Variants in MAD1L1 observed in about 807,000 individuals in gnomAD.
MAD1L1 encodes the protein mitotic spindle assembly checkpoint protein MAD1.
Under a neutral mutation model 96.9 loss-of-function variants are expected in MAD1L1, and 95 were observed. That is an observed-to-expected ratio of 0.98 (90% CI 0.83 to 1.16). The LOEUF (loss-of-function observed/expected upper bound fraction) is 1.16. Ranked by LOEUF, MAD1L1 falls within the 50% of genes most tolerant of loss-of-function variation. The pLI, the probability that MAD1L1 is intolerant of heterozygous loss-of-function variation, is 0.00. For synonymous variants in MAD1L1, 473 were observed against 396.6 expected (o/e 1.19, Z -2.29); for missense variants, 1,007 against 954.4 (o/e 1.06, Z -0.73).
At chr7:2,028,163 C>T (rs1206511451) in intron 12 of MAD1L1, among the ~76,000 whole-genome samples, 6 of 152,066 alleles carry the variant, frequency 3.9e-5, no homozygotes, top group African/African-American at 1.2e-4. Context: ...CGGTGACTCA[C>T]GCCTGTAATC....
At chr7:2,041,451 G>A (rs1437691483) in intron 12 of MAD1L1, among the ~76,000 whole-genome samples, 1 of 152,176 alleles carries the variant, frequency 6.6e-6, no homozygotes, top group African/African-American at 2.4e-5. Context: ...TCACATTCAT[G>A]CTACCCAACC....
intron 11 of MAD1L1, among the ~76,000 whole-genome samples, chr7:2,096,894 C>A (rs1786521124): frequency 1.3e-5 from 2 of 152,132 alleles, no homozygotes; most frequent in African/African-American, 4.8e-5. Flanking sequence ...GCCGGTGACC[C>A]CCGGCCAGCA....
intron 18 of MAD1L1, among the ~76,000 whole-genome samples, chr7:1,880,171 G>A (rs757527572): frequency 6.6e-6 from 1 of 152,180 alleles, no homozygotes; most frequent in African/African-American, 2.4e-5. Flanking sequence ...CACACCTTCC[G>A]TATCCTCACA....
chr7:2,060,179 CG>C (rs1784581934), intron 12 of MAD1L1, among the ~76,000 whole-genome samples: 1 of 145,958 alleles, frequency 6.9e-6, no homozygotes, highest in African/African-American at 2.6e-5. Flanking sequence ...ACGCCGATGC[CG>C]AGATACACCG....
intron 15 of MAD1L1, 54 bp from the exon 16 acceptor site, chr7:1,957,773 A>C: frequency 6.5e-7 from 1 of 1,546,958 alleles, no homozygotes; most frequent in Non-Finnish European, 8.9e-7. Flanking sequence ...ATGCTGGGGA[A>C]GTCCCACCCT....
At chr7:1,997,449 C>T (rs998696417) in intron 14 of MAD1L1, among the ~76,000 whole-genome samples, 3 of 152,350 alleles carry the variant, frequency 2.0e-5, no homozygotes, top group East Asian at 3.9e-4. Context: ...CACCCACTGC[C>T]GAGCCAGTCA....
chr7:2,079,534 G>A (rs979968682), intron 11 of MAD1L1, among the ~76,000 whole-genome samples: 2 of 152,108 alleles, frequency 1.3e-5, no homozygotes, highest in African/African-American at 4.8e-5. Flanking sequence ...CCAACATCTC[G>A]TCAACTGGAA....
intron 9 of MAD1L1, among the ~76,000 whole-genome samples, chr7:2,214,672 G>T (rs1366409694): frequency 6.6e-6 from 1 of 152,218 alleles, no homozygotes; most frequent in Non-Finnish European, 1.5e-5. Context: ...GGGCCAGAAG[G>T]CCTAAATTCT....
At chr7:2,062,007 G>A (rs1249848464) in intron 12 of MAD1L1, among the ~76,000 whole-genome samples, 3 of 152,056 alleles carry the variant, frequency 2.0e-5, no homozygotes, top group Admixed American at 6.6e-5. Flanking sequence ...TTGGGAGGCC[G>A]AGGCAGGCAG....
chr7:1,865,799 GCT>G lies in MAD1L1; in HGVS notation c.1998+32399_1998+32400del, dbSNP rs201048267. Among the ~76,000 whole-genome samples the G allele has an allele frequency of 2.7e-3, 407 of 152,340 alleles. 1 individual carries two copies. Among genetic ancestry groups the G allele is most frequent in the African/African-American group, 9.4e-3 (391 of 41,584 alleles). ...GGCTGCTACGGGATCTACAGCGACT[GCT>G]CTCTCTCTCGAATGGCAGCCCCTCC... On this transcript the variant is annotated intron_variant, in intron 18 of 18. Transcript: ENST00000265854.
At chr7:1,878,378 T>C (rs758951908) in intron 18 of MAD1L1, among the ~76,000 whole-genome samples, 37 of 152,214 alleles carry the variant, frequency 2.4e-4, no homozygotes, top group Middle Eastern at 3.4e-3. Flanking sequence ...AAACCACAGA[T>C]GAATATTGCA....
At chr7:2,140,033 G>A (rs144816922) in intron 11 of MAD1L1, among the ~76,000 whole-genome samples, 7 of 137,936 alleles carry the variant, frequency 5.1e-5, no homozygotes, top group Non-Finnish European at 9.2e-5. Context: ...AGCACAGCAC[G>A]CCACAGGCCA....
At chr7:1,897,045 CTG>C (rs1438121618) in intron 18 of MAD1L1, among the ~76,000 whole-genome samples, 1 of 152,232 alleles carries the variant, frequency 6.6e-6, no homozygotes, top group Non-Finnish European at 1.5e-5. Flanking sequence ...AAATGGATGA[CTG>C]TGATCTGAGA....
chr7:2,227,486 C>T (rs1418291232), intron 3 of MAD1L1, among the ~76,000 whole-genome samples: 3 of 152,054 alleles, frequency 2.0e-5, no homozygotes, highest in Non-Finnish European at 4.4e-5. Context: ...TGCTGGCTGG[C>T]GTCCAGGGGG....
chr7:2,012,924 G>A (rs972104966), intron 13 of MAD1L1, among the ~76,000 whole-genome samples: 1 of 152,228 alleles, frequency 6.6e-6, no homozygotes, highest in Admixed American at 6.5e-5. Flanking sequence ...CTTTCTAGAT[G>A]TAGTTTGGCG....
intron 12 of MAD1L1, among the ~76,000 whole-genome samples, chr7:2,033,680 G>C (rs1021175597): frequency 6.6e-6 from 1 of 152,258 alleles, no homozygotes; most frequent in Admixed American, 6.5e-5. Flanking sequence ...CTAACACTCA[G>C]CACGAGTGAG....
intron 11 of MAD1L1, among the ~76,000 whole-genome samples, chr7:2,134,535 T>G (rs753190229): frequency 1.4e-4 from 22 of 152,380 alleles, no homozygotes; most frequent in Non-Finnish European, 2.1e-4. Context: ...GTGGGACTCC[T>G]TGCCTCGTGC....
intron 17 of MAD1L1, among the ~76,000 whole-genome samples, chr7:1,927,657 G>C (rs922018246): frequency 6.6e-6 from 1 of 152,160 alleles, no homozygotes; most frequent in South Asian, 2.1e-4. Context: ...AAAGTAGCTT[G>C]AACTCAAGCT....
rs192310258 is a variant in MAD1L1, at chr7:1,828,750, C to T, written c.1999-12522G>A. Among the ~76,000 whole-genome samples the T allele has an allele frequency of 5.6e-4, 86 of 152,318 alleles. 2 individuals carry two copies. In the East Asian group the frequency reaches 0.016, roughly 28 times the overall value. Reference sequence around the variant, plus strand: ...ACACGCACACATGCACACACAGCCTCGCAGCACTCAACAAAGAGAAAATCA... The same window carrying T: ...ACACGCACACATGCACACACAGCCTTGCAGCACTCAACAAAGAGAAAATCA... On this transcript the variant is annotated intron_variant, in intron 18 of 18. Coordinates refer to ENST00000265854, the MANE Select transcript of MAD1L1 (RefSeq NM_001013836.2).
Sources: gnomAD v4.1 joint callset for allele counts (sites outside exome capture counted in the v4.1 genomes callset) on GRCh38, gnomAD v4.1.1 for gene constraint, MANE v1.5 for transcripts, NCBI Gene and HGNC (gene_info 2026-07-23, HGNC 2026-07-21) for gene names.